TNR: variants seen among roughly 807,000 people sequenced by gnomAD.
TNR encodes the protein tenascin-R.
TNR carries 45 observed loss-of-function variants against 150.4 expected under a neutral mutation model. That is an observed-to-expected ratio of 0.30 (90% CI 0.24 to 0.38). The LOEUF (loss-of-function observed/expected upper bound fraction) is 0.38. Ranked by LOEUF, TNR falls within the 10% of genes least tolerant of loss-of-function variation. TNR has a pLI of 1.00. For synonymous variants in TNR, 687 were observed against 678.4 expected (o/e 1.01, Z -0.20); for missense variants, 1,544 against 1,759.1 (o/e 0.88, Z 2.19).
At chr1:175,452,447 G>A (rs1041731554) in intron 2 of TNR, among the ~76,000 whole-genome samples, 4 of 152,260 alleles carry the variant, frequency 2.6e-5, no homozygotes, top group African/African-American at 4.8e-5. Flanking sequence ...TGGACGGGGG[G>A]ACGGCTGTCG....
chr1:175,350,719 C>T (rs1651013016), intron 18 of TNR, among the ~76,000 whole-genome samples: 1 of 152,150 alleles, frequency 6.6e-6, no homozygotes. Flanking sequence ...TTGTGAGTGC[C>T]AGTTCTTTTC....
chr1:175,342,741 G>A (rs939960695), intron 18 of TNR, among the ~76,000 whole-genome samples: 4 of 152,158 alleles, frequency 2.6e-5, no homozygotes, highest in African/African-American at 4.8e-5. Context: ...ACAGAGTTCC[G>A]GAAGAAGGTC....
chr1:175,518,085 ACTT>A (rs1659487062), intron 2 of TNR, among the ~76,000 whole-genome samples: 1 of 152,160 alleles, frequency 6.6e-6, no homozygotes, highest in Non-Finnish European at 1.5e-5. Flanking sequence ...TCATTCATTC[ACTT>A]CTTCTGAAAA....
intron 1 of TNR, among the ~76,000 whole-genome samples, chr1:175,565,119 G>GA (rs1277322241): frequency 6.6e-6 from 1 of 152,236 alleles, no homozygotes; most frequent in Non-Finnish European, 1.5e-5. Context: ...TGGATCTTAA[G>GA]AAAATCACAA....
At chr1:175,379,975 C>T (rs1215865969) in intron 8 of TNR, among the ~76,000 whole-genome samples, 1 of 152,196 alleles carries the variant, frequency 6.6e-6, no homozygotes, top group East Asian at 1.9e-4. Context: ...CCCCCATTTC[C>T]ATTCAAGAGT....
At chr1:175,365,368 C>T in intron 11 of TNR, 89 bp from the exon 12 acceptor site, 1 of 1,432,828 alleles carries the variant, frequency 7.0e-7, no homozygotes, top group Non-Finnish European at 9.3e-7. Context: ...GGGACCTGCT[C>T]TCCTTGCTAA....
At chr1:175,674,476 G>A (rs1665802222) in intron 1 of TNR, among the ~76,000 whole-genome samples, 1 of 152,180 alleles carries the variant, frequency 6.6e-6, no homozygotes, top group Non-Finnish European at 1.5e-5. Flanking sequence ...TCTCTACCCT[G>A]CAGCCCATCT....
chr1:175,740,335 A>T (rs1023534744), intron 1 of TNR, among the ~76,000 whole-genome samples: 4 of 152,330 alleles, frequency 2.6e-5, no homozygotes, highest in Middle Eastern at 3.4e-3. Flanking sequence ...ACTTTTATAC[A>T]TCTTTTTTGG....
chr1:175,587,797 A>G (rs1048315590), intron 1 of TNR, among the ~76,000 whole-genome samples: 4 of 152,228 alleles, frequency 2.6e-5, no homozygotes, highest in Non-Finnish European at 5.9e-5. Context: ...AGGGTTGAAA[A>G]GCACTGGACA....
chr1:175,539,926 A>C (rs1660438368), intron 1 of TNR, among the ~76,000 whole-genome samples: 1 of 152,194 alleles, frequency 6.6e-6, no homozygotes, highest in Non-Finnish European at 1.5e-5. Flanking sequence ...GAGGGACTTA[A>C]GGACTGCCAT....
At chr1:175,476,362 C>T (rs1446908503) in intron 2 of TNR, among the ~76,000 whole-genome samples, 1 of 152,158 alleles carries the variant, frequency 6.6e-6, no homozygotes, top group Admixed American at 6.5e-5. Context: ...AAAGTACTTT[C>T]CTAGCTCAGA....
chr1:175,704,164 T>G (rs779862748), intron 1 of TNR, among the ~76,000 whole-genome samples: 3 of 152,214 alleles, frequency 2.0e-5, no homozygotes, highest in Non-Finnish European at 4.4e-5. Context: ...GATGTCCTAA[T>G]AAGTACACTA....
chr1:175,564,292 G>T (rs940328592), intron 1 of TNR, among the ~76,000 whole-genome samples: 2 of 152,130 alleles, frequency 1.3e-5, no homozygotes, highest in South Asian at 4.1e-4. Flanking sequence ...AGGACGGGCG[G>T]CTGCGAAGTG....
chr1:175,330,102 G>C lies in TNR; in HGVS notation c.3765C>G (p.Leu1255=). ...CAGTGCCGTTGTAGCTTCCTATGCG[G>C]AGTTTGTACAGGTTTCTGCTGTCCT... is the stretch of plus-strand genomic sequence containing the variant. The part of the protein sequence containing the change: ...SVEDSRNLYK[L]RIGSYNGTAG... The change falls in exon 21 of 23, where the codon CTC becomes CTG. Residue 1255 remains leucine, a synonymous_variant. Coordinates refer to ENST00000367674, the MANE Select transcript of TNR (RefSeq NM_003285.3). 6.2e-7 allele frequency: 1 copy of C among 1,606,572 alleles called. No individual in the cohort carries two copies. Among genetic ancestry groups the C allele is most frequent in the Non-Finnish European group, 8.5e-7 (1 of 1,174,264 alleles).
At chr1:175,367,378 T>C (rs1219291023) in intron 9 of TNR, 81 bp from the exon 10 acceptor site, 2 of 1,130,678 alleles carry the variant, frequency 1.8e-6, no homozygotes, top group Non-Finnish European at 2.7e-6. Context: ...AAAATGATCT[T>C]AGACTCCTAT....
At chr1:175,549,581 G>C (rs972716579) in intron 1 of TNR, among the ~76,000 whole-genome samples, 1 of 152,194 alleles carries the variant, frequency 6.6e-6, no homozygotes, top group Non-Finnish European at 1.5e-5. Context: ...AAGACAGAAA[G>C]ATTATAGAGG....
chr1:175,570,580 T>C (rs1661825997), intron 1 of TNR, among the ~76,000 whole-genome samples: 1 of 152,184 alleles, frequency 6.6e-6, no homozygotes, highest in Non-Finnish European at 1.5e-5. Flanking sequence ...TGAGGGTGCC[T>C]TTTCATGTAC....
chr1:175,672,505 A>C (rs1009407749), intron 1 of TNR, among the ~76,000 whole-genome samples: 6 of 152,172 alleles, frequency 3.9e-5, no homozygotes, highest in African/African-American at 1.4e-4. Flanking sequence ...AGTGAGGATA[A>C]ACTGTCTTTG....
In TNR at chr1:175,712,067, T is replaced by C. The variant is rs1055571447; in HGVS notation, c.-165+31159A>G. ...AATAATAAAAACTACTCTCCCCTCT[T>C]CTCATCACTGCCATCATCTCTACCC... On this transcript the variant is annotated intron_variant, in intron 1 of 22. Transcript: ENST00000367674. Among the ~76,000 whole-genome samples, 3 of 152,160 alleles carry C rather than the reference T, an allele frequency of 2.0e-5. No homozygotes were observed. The East Asian group carries it at 5.8e-4, about 29-fold the overall frequency.
Sources: gnomAD v4.1 joint callset for allele counts (sites outside exome capture counted in the v4.1 genomes callset) on GRCh38, gnomAD v4.1.1 for gene constraint, MANE v1.5 for transcripts, NCBI Gene and HGNC (gene_info 2026-07-23, HGNC 2026-07-21) for gene names.